Variants in RGS7BP observed in about 807,000 individuals in gnomAD.
RGS7BP encodes regulator of G protein signaling 7 binding protein.
Under a neutral mutation model 31.3 loss-of-function variants are expected in RGS7BP, and 9 were observed. The ratio of observed to expected loss-of-function variants is 0.29; its 90% CI spans 0.17 to 0.50. The LOEUF is 0.50. RGS7BP is among the 20% of genes least tolerant of loss of function. The pLI is 0.98. For missense variants in RGS7BP, 274 were observed against 322.0 expected, an observed-to-expected ratio of 0.85 and a Z score of 1.14; for synonymous variants, 115 against 120.1, an observed-to-expected ratio of 0.96 and a Z score of 0.28.
At position 64,609,237 on chromosome 5, in the gene RGS7BP, T is replaced by C. The variant is rs1445761280; in HGVS notation, c.759T>C (p.Cys253=). Residue 253 remains cysteine (C), a synonymous_variant, in exon 6 of 6, where the codon TGT becomes TGC. Transcript: ENST00000334025. ...AGAGAAGGTTCTTTGGGCTGTGTTGTCTCATCTCAAGCTAGGTGGCTCCTC... is the reference window on the plus strand; with the variant it reads ...AGAGAAGGTTCTTTGGGCTGTGTTGCCTCATCTCAAGCTAGGTGGCTCCTC... The part of the protein sequence containing the change: ...RRKRRFFGLC[C]LISS 2 of 1,606,680 alleles carry C rather than the reference T, an allele frequency of 1.2e-6. No individual in the cohort carries two copies. Among genetic ancestry groups the C allele is most frequent in the Non-Finnish European group, 1.7e-6 (2 of 1,173,776 alleles).
chr5:64,523,553 A>T (rs1749161575), intron 2 of RGS7BP, among the ~76,000 whole-genome samples: 5 of 152,304 alleles, frequency 3.3e-5, no homozygotes, highest in Admixed American at 2.0e-4. Context: ...TGAGTGTTTT[A>T]TCACTTCGAG....
At chr5:64,534,290 G>A (rs954074339) in intron 2 of RGS7BP, among the ~76,000 whole-genome samples, 2 of 152,142 alleles carry the variant, frequency 1.3e-5, no homozygotes, top group South Asian at 4.1e-4. Context: ...GACAAGACAA[G>A]GTCAGGAAGG....
intron 2 of RGS7BP, among the ~76,000 whole-genome samples, chr5:64,560,482 G>A (rs3846472): frequency 0.15 from 22,742 of 151,320 alleles, 2,813 homozygotes; most frequent in African/African-American, 0.33. Context: ...TTCTTATTAC[G>A]TACTCCTTTC....
At chr5:64,590,743 CATA>C (rs1742891340) in intron 3 of RGS7BP, among the ~76,000 whole-genome samples, 1 of 151,398 alleles carries the variant, frequency 6.6e-6, no homozygotes, top group African/African-American at 2.4e-5. Flanking sequence ...ATACTAAAAA[CATA>C]ATAATTAAAA....
chr5:64,519,214 G>A (rs561217830), intron 2 of RGS7BP, among the ~76,000 whole-genome samples: 1 of 152,236 alleles, frequency 6.6e-6, no homozygotes, highest in South Asian at 2.1e-4. Flanking sequence ...AGAAGTAAAG[G>A]TAGATCCCTC....
chr5:64,565,795 A>G (rs1453183283), intron 2 of RGS7BP, among the ~76,000 whole-genome samples: 1 of 152,186 alleles, frequency 6.6e-6, no homozygotes, highest in Admixed American at 6.6e-5. Flanking sequence ...GATATTTTCC[A>G]TGTATATAGA....
intron 4 of RGS7BP, 70 bp from the exon 5 acceptor site, chr5:64,598,292 ATAT>A: frequency 2.3e-6 from 2 of 858,872 alleles, no homozygotes; most frequent in South Asian, 2.7e-5. Flanking sequence ...CAGTTGTCTC[ATAT>A]AACAGATTGT....
intron 2 of RGS7BP, among the ~76,000 whole-genome samples, chr5:64,572,807 C>CT (rs373867967): frequency 0.14 from 20,420 of 144,216 alleles, 1,681 homozygotes; most frequent in Middle Eastern, 0.35. Flanking sequence ...CTTGCCTTTT[C>CT]TTTTTTTTTT....
At chr5:64,513,735 G>C (rs1748900434) in intron 2 of RGS7BP, among the ~76,000 whole-genome samples, 1 of 152,204 alleles carries the variant, frequency 6.6e-6, no homozygotes, top group African/African-American at 2.4e-5. Context: ...GTGGTTGGCA[G>C]GCATGCCAGG....
intron 2 of RGS7BP, among the ~76,000 whole-genome samples, chr5:64,537,198 G>C (rs1741400156): frequency 6.6e-6 from 1 of 152,092 alleles, no homozygotes; most frequent in Non-Finnish European, 1.5e-5. Flanking sequence ...GGCTTCCCTG[G>C]GCCATGTTGA....
In RGS7BP at chr5:64,513,594, G is replaced by A. The variant is rs960379784; in HGVS notation, c.332+5717G>A. On this transcript the variant is annotated intron_variant, in intron 2 of 5. Coordinates refer to ENST00000334025, the MANE Select transcript of RGS7BP (RefSeq NM_001029875.3). ...ACACTTTGGCTGAGCCAGCAGCAAC[G>A]ATGTATGGTGATAAGAGTATGGAAG... 7.9e-5 allele frequency among the ~76,000 whole-genome samples: 12 copies of A among 152,322 alleles called. No individual in the cohort carries two copies. In the South Asian group the frequency reaches 8.3e-4, roughly 11 times the overall value.
chr5:64,561,743 A>G (rs1164062763), intron 2 of RGS7BP, among the ~76,000 whole-genome samples: 3 of 152,154 alleles, frequency 2.0e-5, no homozygotes. Context: ...CCCTCACTAA[A>G]TGATCTTACA....
At chr5:64,584,409 C>A (rs1384969562) in intron 3 of RGS7BP, among the ~76,000 whole-genome samples, 1 of 152,080 alleles carries the variant, frequency 6.6e-6, no homozygotes, top group Non-Finnish European at 1.5e-5. Flanking sequence ...TAAAATGAAA[C>A]ATTCACGTGA....
chr5:64,543,378 A>G (rs1176112172), intron 2 of RGS7BP, among the ~76,000 whole-genome samples: 1 of 152,216 alleles, frequency 6.6e-6, no homozygotes, highest in African/African-American at 2.4e-5. Flanking sequence ...TGGTGCAAAA[A>G]CCCCATGAAA....
intron 2 of RGS7BP, among the ~76,000 whole-genome samples, chr5:64,523,879 A>G (rs1749169446): frequency 6.6e-6 from 1 of 152,206 alleles, no homozygotes; most frequent in African/African-American, 2.4e-5. Context: ...AAATTATCAT[A>G]TGGCTCACAT....
chr5:64,557,437 G>A (rs1452423873), intron 2 of RGS7BP, among the ~76,000 whole-genome samples: 1 of 152,148 alleles, frequency 6.6e-6, no homozygotes, highest in South Asian at 2.1e-4. Context: ...AGTGCTCTTT[G>A]CAGCAGGTTC....
chr5:64,594,002 G>A (rs935324199), intron 3 of RGS7BP, among the ~76,000 whole-genome samples: 1 of 152,170 alleles, frequency 6.6e-6, no homozygotes, highest in Admixed American at 6.6e-5. Flanking sequence ...TTTGTTTCCA[G>A]AAAGTACTGA....
At chr5:64,565,943 C>T (rs554888095) in intron 2 of RGS7BP, among the ~76,000 whole-genome samples, 2 of 152,094 alleles carry the variant, frequency 1.3e-5, no homozygotes, top group South Asian at 4.1e-4. Flanking sequence ...ATTATCATTG[C>T]ATGCCAGTGA....
chr5:64,584,384 G>A (rs942839878), intron 3 of RGS7BP, among the ~76,000 whole-genome samples: 1 of 152,152 alleles, frequency 6.6e-6, no homozygotes, highest in Non-Finnish European at 1.5e-5. Flanking sequence ...ATTACATATA[G>A]TAAAAGTAAA....
Sources: gnomAD v4.1 joint callset for allele counts (sites outside exome capture counted in the v4.1 genomes callset) on GRCh38, gnomAD v4.1.1 for gene constraint, MANE v1.5 for transcripts, NCBI Gene and HGNC (gene_info 2026-07-23, HGNC 2026-07-21) for gene names.